Variants in MAP3K7CL observed in about 807,000 individuals in gnomAD.
MAP3K7CL encodes MAP3K7 C-terminal-like protein.
In MAP3K7CL, 16 loss-of-function variants were observed where a neutral mutation model predicts 18.6. That is an observed-to-expected ratio of 0.86 (90% CI 0.58 to 1.31). MAP3K7CL has a LOEUF of 1.31. Among genes scored for constraint, MAP3K7CL ranks in the 50% most tolerant of loss-of-function variants. The pLI is 0.00. For synonymous variants in MAP3K7CL, 65 were observed against 66.8 expected, an observed-to-expected ratio of 0.97 and a Z score of 0.13; for missense variants, 163 against 174.4, an observed-to-expected ratio of 0.93 and a Z score of 0.37.
At position 29,121,059 on chromosome 21, in the gene MAP3K7CL, T is replaced by TCAAAAAAAGATAC. The variant is rs1202365957; in HGVS notation, c.371-28130_371-28129insCAAAAAAAGATAC. On this transcript the variant is annotated intron_variant, in intron 4 of 6. Coordinates refer to the MAP3K7CL transcript ENST00000286791. ...TCAGCCTGGGCAACAGAGTCAGATA[T>TCAAAAAAAGATAC]ATATATATAGTGTATATATGAGAAA... Among the ~76,000 whole-genome samples, 8 of 39,394 alleles carry TCAAAAAAAGATAC rather than the reference T, an allele frequency of 2.0e-4. 1 individual carries two copies. Among genetic ancestry groups the TCAAAAAAAGATAC allele is most frequent in the Non-Finnish European group, 4.6e-4 (8 of 17,490 alleles). 25.8% of individuals were successfully genotyped at this position (39,394 alleles called of 152,430 possible). A position where few individuals can be genotyped will look rare whatever the true frequency, so the allele number is the denominator to read the frequency against.
intron 3 of MAP3K7CL, among the ~76,000 whole-genome samples, chr21:29,152,698 T>A (rs2087305422): frequency 6.6e-6 from 1 of 152,218 alleles, no homozygotes. Flanking sequence ...GGTGTTTCCC[T>A]ACATATGATC....
At chr21:29,111,327 G>C (rs536252549) in intron 4 of MAP3K7CL, among the ~76,000 whole-genome samples, 36 of 152,246 alleles carry the variant, frequency 2.4e-4, no homozygotes, top group South Asian at 1.0e-3. Flanking sequence ...ATCATCCTTA[G>C]TTGTCTGCTC....
chr21:29,158,005 G>A (rs983780760), intron 3 of MAP3K7CL, among the ~76,000 whole-genome samples: 13 of 152,150 alleles, frequency 8.5e-5, no homozygotes, highest in Admixed American at 6.6e-4. Flanking sequence ...GTACCTACAC[G>A]TACTGAGCTC....
At chr21:29,092,380 G>C (rs2086043530) in intron 3 of MAP3K7CL, 2 of 1,589,318 alleles carry the variant, frequency 1.3e-6, no homozygotes, top group Non-Finnish European at 8.6e-7. Flanking sequence ...GACATCAAAA[G>C]GTCTGTGCGG....
chr21:29,160,419 A>T (rs1053223213), intron 4 of MAP3K7CL, among the ~76,000 whole-genome samples: 3 of 152,274 alleles, frequency 2.0e-5, no homozygotes, highest in Non-Finnish European at 4.4e-5. Flanking sequence ...CATCACGTGA[A>T]GAAGCCACTG....
chr21:29,127,291 TAATAA>T (rs1474324435), upstream of MAP3K7CL, among the ~76,000 whole-genome samples: 2 of 152,226 alleles, frequency 1.3e-5, no homozygotes, highest in Non-Finnish European at 2.9e-5. Flanking sequence ...TTGCTGAAAA[TAATAA>T]AATAAAAATT....
At chr21:29,172,241 C>CTTTTTTTTTTTTTTTTTTTTTTT (rs35612617) in intron 4 of MAP3K7CL, among the ~76,000 whole-genome samples, 1 of 126,250 alleles carries the variant, frequency 7.9e-6, no homozygotes, top group African/African-American at 2.9e-5. Flanking sequence ...TTGTCATTTT[C>CTTTTTTTTTTTTTTTTTTTTTTT]TTTTTTTTTT....
chr21:29,149,935 G>A (rs951188903), intron 3 of MAP3K7CL, among the ~76,000 whole-genome samples: 5 of 152,186 alleles, frequency 3.3e-5, no homozygotes, highest in Non-Finnish European at 5.9e-5. Flanking sequence ...TACTGGCCTT[G>A]GGCCAGCCAT....
In MAP3K7CL at chr21:29,174,919, G is replaced by A. The variant is rs765704673; in HGVS notation, c.*27G>A. 10 of 1,605,694 alleles carry A rather than the reference G, an allele frequency of 6.2e-6. No individual in the cohort carries two copies. The highest frequency in any genetic ancestry group is 2.7e-5 in the African/African-American group (2 of 74,760). Reference sequence around the variant, plus strand: ...TTTAAATTTTTCAGTGTGAGCATACGAGGCTGATGACTGCCCTGTGCTGGC... The same window carrying A: ...TTTAAATTTTTCAGTGTGAGCATACAAGGCTGATGACTGCCCTGTGCTGGC... On this transcript the variant is annotated 3_prime_UTR_variant, in exon 5 of 5. Transcript: ENST00000399928.
chr21:29,094,757 T>G (rs749852452), intron 4 of MAP3K7CL, among the ~76,000 whole-genome samples: 2 of 151,840 alleles, frequency 1.3e-5, no homozygotes, highest in African/African-American at 4.8e-5. Context: ...CTCTAGGGAG[T>G]TGCAGTCAAG....
chr21:29,090,915 TA>T (rs2086015987), intron 1 of MAP3K7CL, among the ~76,000 whole-genome samples: 1 of 152,178 alleles, frequency 6.6e-6, no homozygotes, highest in Non-Finnish European at 1.5e-5. Flanking sequence ...ATAGTCACAT[TA>T]AAAAACTAAA....
chr21:29,144,150 AT>A lies in MAP3K7CL; in HGVS notation c.71-5024del, dbSNP rs759422991. ...GACATAATTCCCCATGTTTTAGGGA[AT>A]TTTTTTTTTTTTTTGAGACGGAGTC... On this transcript the variant is annotated intron_variant, in intron 2 of 4. Coordinates refer to ENST00000399928, the MANE Select transcript of MAP3K7CL (RefSeq NM_001286620.2). Among the ~76,000 whole-genome samples the A allele has an allele frequency of 7.0e-3, 1,006 of 143,438 alleles. 9 individuals are homozygous for A. The highest frequency in any genetic ancestry group is 0.019 in the African/African-American group (761 of 39,216). The allele number at this position is 143,438 out of a possible 152,430, so 94.1% of individuals were successfully genotyped here. A position where few individuals can be genotyped will look rare whatever the true frequency, so the allele number is the denominator to read the frequency against.
chr21:29,114,967 G>C (rs2086480974), intron 4 of MAP3K7CL, among the ~76,000 whole-genome samples: 1 of 152,188 alleles, frequency 6.6e-6, no homozygotes, highest in Non-Finnish European at 1.5e-5. Flanking sequence ...CTTTGACACA[G>C]AGCCCTGAGG....
chr21:29,164,432 G>T (rs2254955), intron 4 of MAP3K7CL, among the ~76,000 whole-genome samples: 56,337 of 152,142 alleles, frequency 0.37, 12,671 homozygotes, highest in Non-Finnish European at 0.5. Context: ...TGCAAAGAGA[G>T]ACGCTAACTA....
chr21:29,124,742 A>G (rs1181810711), intron 4 of MAP3K7CL, among the ~76,000 whole-genome samples: 2 of 152,238 alleles, frequency 1.3e-5, no homozygotes, highest in East Asian at 3.8e-4. Context: ...ACATTTGGAA[A>G]TTATATGAAA....
At chr21:29,172,336 T>G (rs73193819) in intron 4 of MAP3K7CL, among the ~76,000 whole-genome samples, 7 of 151,114 alleles carry the variant, frequency 4.6e-5, no homozygotes, top group African/African-American at 7.3e-5. Context: ...TTTCCCTGAA[T>G]TTGATTTGGT....
intron 4 of MAP3K7CL, chr21:29,102,685 C>T (rs1298601743): frequency 6.6e-6 from 1 of 151,918 alleles, no homozygotes; most frequent in Non-Finnish European, 1.5e-5. Flanking sequence ...AGACTAGGTT[C>T]CCTTTTTAAA....
intron 3 of MAP3K7CL, among the ~76,000 whole-genome samples, chr21:29,156,594 A>G (rs1461862346): frequency 6.6e-6 from 1 of 152,210 alleles, no homozygotes; most frequent in Non-Finnish European, 1.5e-5. Context: ...TCAAAAGGTA[A>G]GGTAAGAGAG....
chr21:29,163,995 G>A (rs578133897), intron 4 of MAP3K7CL, among the ~76,000 whole-genome samples: 2 of 151,874 alleles, frequency 1.3e-5, no homozygotes, highest in South Asian at 4.2e-4. Context: ...CAGCAATAAA[G>A]GACTGCTAGG....
Sources: gnomAD v4.1 joint callset for allele counts (sites outside exome capture counted in the v4.1 genomes callset) on GRCh38, gnomAD v4.1.1 for gene constraint, MANE v1.5 for transcripts, NCBI Gene and HGNC (gene_info 2026-07-23, HGNC 2026-07-21) for gene names.